RBFOX1: variants seen among roughly 807,000 people sequenced by gnomAD.
RBFOX1 encodes the protein RNA binding protein fox-1 homolog 1.
Under a neutral mutation model 57.7 loss-of-function variants are expected in RBFOX1, and 8 were observed. The ratio of observed to expected loss-of-function variants is 0.14; its 90% CI spans 0.08 to 0.25. RBFOX1 has a LOEUF of 0.25. Ranked by LOEUF, RBFOX1 falls within the 10% of genes least tolerant of loss-of-function variation. The pLI is 1.00. For missense variants in RBFOX1, 611 were observed against 548.5 expected (o/e 1.11, Z -1.14); for synonymous variants, 326 against 222.4 (o/e 1.47, Z -4.15).
In RBFOX1 at chr16:7,377,569, A is replaced by G. The variant is rs538580031; in HGVS notation, c.28-140578A>G. Among the ~76,000 whole-genome samples the G allele has an allele frequency of 5.3e-5, 8 of 152,366 alleles. 1 individual carries two copies. In the South Asian group the frequency reaches 1.0e-3, roughly 20 times the overall value. On this transcript the variant is annotated intron_variant, in intron 4 of 15. Coordinates refer to ENST00000550418, the MANE Select transcript of RBFOX1 (RefSeq NM_018723.4). ...GGAATCTGTATTTGCAGGGCAGGAA[A>G]AAATGTTTTAGATTTGTCTATGGCA...
At chr16:7,102,671 G>A (rs899490611) in intron 4 of RBFOX1, among the ~76,000 whole-genome samples, 2 of 152,070 alleles carry the variant, frequency 1.3e-5, no homozygotes, top group African/African-American at 2.4e-5. Context: ...AACATTTCTC[G>A]CTAATCTTGC....
chr16:6,774,998 TA>T (rs1284675988), intron 3 of RBFOX1, among the ~76,000 whole-genome samples: 2 of 152,038 alleles, frequency 1.3e-5, no homozygotes, highest in Middle Eastern at 3.2e-3. Context: ...TCTTTATTAA[TA>T]ATCTGTGTTC....
At chr16:6,727,766 C>T (rs111290525) in intron 3 of RBFOX1, among the ~76,000 whole-genome samples, 2 of 152,062 alleles carry the variant, frequency 1.3e-5, no homozygotes, top group African/African-American at 2.4e-5. Context: ...CAGTAGCATC[C>T]GTCCAGTATT....
rs755235837 is a variant in RBFOX1 at position 6,699,601 on chromosome 16, AC to A, written c.-16+44952del. On this transcript the variant is annotated intron_variant, in intron 3 of 15. Transcript: ENST00000550418. ...CATAACAGACAAATGGGCTCTTTAA[AC>A]TGTACGACGGGAAGAGTGTTTTTGT... Among the ~76,000 whole-genome samples the A allele has an allele frequency of 3.3e-5, 5 of 152,274 alleles. No homozygotes were observed. The East Asian group carries it at 7.7e-4, about 24-fold the overall frequency.
At chr16:6,374,461 A>G (rs544166930) in intron 2 of RBFOX1, among the ~76,000 whole-genome samples, 1 of 152,336 alleles carries the variant, frequency 6.6e-6, no homozygotes, top group East Asian at 1.9e-4. Context: ...GTGAACAGAA[A>G]GGAACTCTAC....
At chr16:6,957,765 C>A (rs534088920) in intron 3 of RBFOX1, among the ~76,000 whole-genome samples, 1 of 152,140 alleles carries the variant, frequency 6.6e-6, no homozygotes, top group African/African-American at 2.4e-5. Context: ...GTTCAAACAT[C>A]TGTGACTGTT....
chr16:7,704,139 A>G (rs1163532710), intron 14 of RBFOX1, among the ~76,000 whole-genome samples: 5 of 152,218 alleles, frequency 3.3e-5, no homozygotes, highest in Admixed American at 6.5e-5. Context: ...CAAGGACATC[A>G]TAAAAGCAGA....
intron 1 of RBFOX1, among the ~76,000 whole-genome samples, chr16:6,223,946 T>C (rs1199716547): frequency 6.6e-6 from 1 of 152,212 alleles, no homozygotes; most frequent in Non-Finnish European, 1.5e-5. Context: ...CAGCACTGTT[T>C]ATTAAATAGG....
intron 5 of RBFOX1, among the ~76,000 whole-genome samples, chr16:7,530,369 A>G (rs1249509015): frequency 6.6e-6 from 1 of 152,164 alleles, no homozygotes; most frequent in East Asian, 1.9e-4. Context: ...ACAAAGTCCC[A>G]ATGACACTGC....
intron 4 of RBFOX1, among the ~76,000 whole-genome samples, chr16:7,491,035 A>G (rs1458359423): frequency 6.6e-6 from 1 of 151,954 alleles, no homozygotes; most frequent in Non-Finnish European, 1.5e-5. Flanking sequence ...AAATCCATCA[A>G]CTCCAGATTC....
At chr16:6,426,856 C>G (rs1326106438) in intron 2 of RBFOX1, among the ~76,000 whole-genome samples, 2 of 152,212 alleles carry the variant, frequency 1.3e-5, no homozygotes, top group East Asian at 3.8e-4. Context: ...CAGGCTCTAG[C>G]TCTCAGTGGT....
chr16:6,894,833 T>A (rs1258695639), intron 3 of RBFOX1, among the ~76,000 whole-genome samples: 4 of 152,210 alleles, frequency 2.6e-5, no homozygotes, highest in Non-Finnish European at 5.9e-5. Flanking sequence ...TAGTCCAGAA[T>A]AAGACATGTT....
At position 5,889,732 on chromosome 16, in the gene RBFOX1, G is replaced by A. The variant is rs543288373; in HGVS notation, c.351+22397G>A. On this transcript the variant is annotated intron_variant, in intron 4 of 19. Transcript: ENST00000641259. The stretch of plus-strand genomic sequence containing the variant: ...GCCCATGCTAGAGGGATCTCACCTA[G>A]TCCTGGGGTTGGGGAAGGCCTCTTT... Among the ~76,000 whole-genome samples the A allele has an allele frequency of 2.8e-4, 42 of 152,328 alleles. No homozygotes were observed. The South Asian group carries it at 8.5e-3, about 31-fold the overall frequency.
At chr16:7,057,322 A>G (rs527996139) in intron 4 of RBFOX1, among the ~76,000 whole-genome samples, 1 of 152,194 alleles carries the variant, frequency 6.6e-6, no homozygotes, top group Non-Finnish European at 1.5e-5. Flanking sequence ...AAGGCATGCA[A>G]CCAGGCCTCC....
intron 4 of RBFOX1, among the ~76,000 whole-genome samples, chr16:7,057,483 C>T (rs2052709417): frequency 6.6e-6 from 1 of 152,164 alleles, no homozygotes; most frequent in African/African-American, 2.4e-5. Flanking sequence ...CCTTCTAGCC[C>T]CTAAGATGTA....
chr16:6,703,763 C>T (rs188495759), intron 3 of RBFOX1: 1 of 152,114 alleles, frequency 6.6e-6, no homozygotes, highest in African/African-American at 2.4e-5. Flanking sequence ...AGGACAAGAC[C>T]AGCAACTGAA....
At position 6,591,582 on chromosome 16, in the gene RBFOX1, G is replaced by T. The variant is rs549138679; in HGVS notation, c.-63-63021G>T. Among the ~76,000 whole-genome samples the T allele has an allele frequency of 6.0e-4, 91 of 152,286 alleles. 2 individuals are homozygous for T. Among genetic ancestry groups the T allele is most frequent in the Admixed American group, 3.9e-3 (59 of 15,300 alleles). ...GGAGAGGAGACCATTTATGCACTGGGAGTGACCCAGTCATTTTTGTCAGAT... is the reference window on the plus strand; with the variant it reads ...GGAGAGGAGACCATTTATGCACTGGTAGTGACCCAGTCATTTTTGTCAGAT... On this transcript the variant is annotated intron_variant, in intron 2 of 15. Coordinates refer to ENST00000550418, the MANE Select transcript of RBFOX1 (RefSeq NM_018723.4).
intron 4 of RBFOX1, among the ~76,000 whole-genome samples, chr16:7,140,188 CTCTCT>C: frequency 6.8e-6 from 1 of 146,832 alleles, no homozygotes; most frequent in Admixed American, 6.8e-5. Flanking sequence ...CTCTCTCTCT[CTCTCT>C]CCCTCCTTCT....
chr16:6,032,221 A>T (rs1474581829), intron 1 of RBFOX1, among the ~76,000 whole-genome samples: 1 of 151,852 alleles, frequency 6.6e-6, no homozygotes, highest in Non-Finnish European at 1.5e-5. Context: ...ATTTAGCTGT[A>T]TTTTCCTCGT....
Sources: allele counts gnomAD v4.1 joint callset (sites outside exome capture counted in the v4.1 genomes callset), GRCh38; gene constraint gnomAD v4.1.1; transcripts MANE v1.5; gene names NCBI Gene and HGNC (gene_info 2026-07-23, HGNC 2026-07-21).